PCDHA8: variants seen among roughly 807,000 people sequenced by gnomAD.
PCDHA8 encodes the protein protocadherin alpha-8.
Under a neutral mutation model 61.8 loss-of-function variants are expected in PCDHA8, and 53 were observed. The observed-to-expected ratio is 0.86, with a 90% CI of 0.69 to 1.08. PCDHA8 has a LOEUF of 1.08. PCDHA8 is among the 50% of genes least tolerant of loss of function. The pLI is 0.00. For missense variants in PCDHA8, 1,293 were observed against 1,245.0 expected, an observed-to-expected ratio of 1.04 and a Z score of -0.58; for synonymous variants, 618 against 556.6, an observed-to-expected ratio of 1.11 and a Z score of -1.55.
In PCDHA8 at chr5:140,995,948, C is replaced by T. The variant is rs143431693; in HGVS notation, c.2542+13385C>T. Among the ~76,000 whole-genome samples the T allele has an allele frequency of 4.7e-3, 711 of 152,264 alleles. 7 individuals carry two copies. The highest frequency in any genetic ancestry group is 0.016 in the African/African-American group (645 of 41,554). ...TGTAAGTATTAAATGACATAATGCA[C>T]GCAAAATGCTTAGAACCATGCTTAG... On this transcript the variant is annotated intron_variant, in intron 3 of 3. Transcript: ENST00000531613.
intron 1 of PCDHA8, chr5:140,968,853 A>G (rs782470050): frequency 3.7e-6 from 6 of 1,614,108 alleles, no homozygotes; most frequent in Non-Finnish European, 4.2e-6. Context: ...AGGCATGTTA[A>G]GAGCCCTCGG....
In PCDHA8 at chr5:140,980,207, CT is replaced by C. The variant is rs2096880359; in HGVS notation, c.2453+1204del. Among the ~76,000 whole-genome samples, 4 of 152,182 alleles carry C rather than the reference CT, an allele frequency of 2.6e-5. No individual in the cohort carries two copies. In the South Asian group the frequency reaches 8.3e-4, roughly 31 times the overall value. On this transcript the variant is annotated intron_variant, in intron 2 of 3. Coordinates refer to ENST00000531613, the MANE Select transcript of PCDHA8 (RefSeq NM_018911.3). ...TATATTTATTAGAGACCAACTTGTGCTTTTGCCTGCATCTGAGCTGTTGGTG... is the reference window on the plus strand; with the variant it reads ...TATATTTATTAGAGACCAACTTGTGCTTTGCCTGCATCTGAGCTGTTGGTG...
intron 3 of PCDHA8, chr5:140,988,853 A>G (rs1216953693): frequency 1.3e-5 from 2 of 152,208 alleles, no homozygotes; most frequent in Non-Finnish European, 2.9e-5. Flanking sequence ...AAACCTATCC[A>G]GTCTCATGTG....
chr5:140,880,848 T>C (rs557784006), intron 1 of PCDHA8, among the ~76,000 whole-genome samples: 31 of 152,258 alleles, frequency 2.0e-4, no homozygotes, highest in African/African-American at 7.0e-4. Flanking sequence ...TGGTTGACTA[T>C]GTAGTCTAAT....
rs2097783097 is a variant in PCDHA8, at chr5:140,997,727, C to T, written c.2543-11900C>T. Reference sequence around the variant, plus strand: ...TAACAAACACCTTTCTACGTCAGTACATATAGATTTGCCACAATCTTCTTG... The same window carrying T: ...TAACAAACACCTTTCTACGTCAGTATATATAGATTTGCCACAATCTTCTTG... On this transcript the variant is annotated intron_variant, in intron 3 of 3. Coordinates refer to ENST00000531613, the MANE Select transcript of PCDHA8 (RefSeq NM_018911.3). Among the ~76,000 whole-genome samples the T allele has an allele frequency of 2.0e-5, 3 of 151,244 alleles. No individual in the cohort carries two copies. In the South Asian group the frequency reaches 6.3e-4, roughly 32 times the overall value.
chr5:140,944,003 C>A (rs1185007409), intron 1 of PCDHA8, among the ~76,000 whole-genome samples: 11 of 152,038 alleles, frequency 7.2e-5, no homozygotes, highest in African/African-American at 2.2e-4. Flanking sequence ...CTACTGAGTA[C>A]CCCCCAAAAG....
intron 1 of PCDHA8, chr5:140,856,276 A>C (rs1554148470): frequency 6.3e-7 from 1 of 1,598,372 alleles, no homozygotes; most frequent in Admixed American, 1.7e-5. Context: ...TTCTGGAGGT[A>C]AATCTGCAGA....
intron 1 of PCDHA8, among the ~76,000 whole-genome samples, chr5:140,957,864 A>G (rs1554223166): frequency 6.6e-6 from 1 of 151,762 alleles, no homozygotes; most frequent in Admixed American, 6.6e-5. Flanking sequence ...TTTTTTTCCT[A>G]TTTTGTGCTG....
intron 1 of PCDHA8, chr5:140,927,167 C>A (rs782612848): frequency 6.2e-7 from 1 of 1,614,164 alleles, no homozygotes; most frequent in Admixed American, 1.7e-5. Context: ...GCCAAAGCTG[C>A]CTGCGTCTTG....
intron 1 of PCDHA8, chr5:140,871,069 C>G: frequency 6.2e-7 from 1 of 1,613,228 alleles, no homozygotes; most frequent in East Asian, 2.2e-5. Context: ...TCACGGTGAG[C>G]CGGCGCTGAC....
intron 1 of PCDHA8, chr5:140,927,566 A>G: frequency 6.2e-7 from 1 of 1,614,168 alleles, no homozygotes; most frequent in Non-Finnish European, 8.5e-7. Flanking sequence ...ATTGTGGTGG[A>G]CACAAATGAC....
chr5:140,883,003 C>T, intron 1 of PCDHA8: 1 of 1,614,050 alleles, frequency 6.2e-7, no homozygotes, highest in East Asian at 2.2e-5. Flanking sequence ...TTTACCAATC[C>T]GTTTATAAAG....
chr5:140,943,274 A>AAAAG (rs1349019397), intron 1 of PCDHA8, among the ~76,000 whole-genome samples: 1 of 141,284 alleles, frequency 7.1e-6, no homozygotes, highest in Admixed American at 7.3e-5. Context: ...AAAAAAAAAA[A>AAAAG]AAAGAAAGAA....
Position 140,843,347 on chromosome 5 carries a change from C to T in PCDHA8, c.2026C>T (p.Pro676Ser). 1 of 1,596,018 alleles carries T rather than the reference C, an allele frequency of 6.3e-7. No individual in the cohort carries two copies. ...LVSLVESGQAPKASSRQSAGV... is the reference protein window; with the variant it reads ...LVSLVESGQASKASSRQSAGV... ...GTCGCTGGTGGAGAGCGGCCAGGCTCCAAAAGCGTCATCGAGGCAGTCGGC... is the reference window on the plus strand; with the variant it reads ...GTCGCTGGTGGAGAGCGGCCAGGCTTCAAAAGCGTCATCGAGGCAGTCGGC... The change falls in exon 1 of 4, where the codon CCA becomes TCA. Residue 676 changes from proline (P) to serine (S), a missense_variant. Physicochemically the swap from Pro to Ser is moderately conservative, Grantham distance 74. Coordinates refer to ENST00000531613, the MANE Select transcript of PCDHA8 (RefSeq NM_018911.3).
chr5:140,926,990 G>T (rs2083733718), intron 1 of PCDHA8: 1 of 1,611,558 alleles, frequency 6.2e-7, no homozygotes, highest in Admixed American at 1.7e-5. Flanking sequence ...ACGGAGCGGG[G>T]CGTAGCCGTA....
chr5:140,969,061 T>C (rs782313439), intron 1 of PCDHA8: 25 of 1,614,070 alleles, frequency 1.5e-5, no homozygotes, highest in Non-Finnish European at 4.2e-6. Flanking sequence ...ACAATATTGA[T>C]GCCAGGATAC....
intron 1 of PCDHA8, among the ~76,000 whole-genome samples, chr5:140,961,356 CA>C (rs1164957121): frequency 1.3e-5 from 2 of 152,168 alleles, no homozygotes; most frequent in Non-Finnish European, 2.9e-5. Context: ...CTGTAGTCCC[CA>C]TTAGAATTCT....
At chr5:140,928,885 C>T in intron 1 of PCDHA8, 1 of 1,614,194 alleles carries the variant, frequency 6.2e-7, no homozygotes, top group Non-Finnish European at 8.5e-7. Context: ...TCAGTTACTT[C>T]CAGACTTTGA....
chr5:140,846,178 G>T (rs2150385394), intron 1 of PCDHA8, among the ~76,000 whole-genome samples: 1 of 149,272 alleles, frequency 6.7e-6, no homozygotes, highest in Non-Finnish European at 1.5e-5. Context: ...GCCTGAGTAG[G>T]CGTTTGAGTT....
Sources: allele counts gnomAD v4.1 joint callset (sites outside exome capture counted in the v4.1 genomes callset), GRCh38; gene constraint gnomAD v4.1.1; transcripts MANE v1.5; gene names NCBI Gene and HGNC (gene_info 2026-07-23, HGNC 2026-07-21).